The following POLE4 variants were observed in gnomAD, a reference collection of about 807,000 sequenced individuals.
POLE4 encodes DNA polymerase epsilon 4, accessory subunit.
Under a neutral mutation model 15.6 loss-of-function variants are expected in POLE4, and 15 were observed. That is an observed-to-expected ratio of 0.96 (90% CI 0.64 to 1.48). POLE4 has a LOEUF of 1.48. Ranked by LOEUF, POLE4 falls within the 40% of genes most tolerant of loss-of-function variation. POLE4 has a pLI of 0.00. For missense variants in POLE4, 205 were observed against 151.9 expected, an observed-to-expected ratio of 1.35 and a Z score of -1.84; for synonymous variants, 83 against 63.2, an observed-to-expected ratio of 1.31 and a Z score of -1.49.
chr2:74,959,153 A>G (rs1671175294), intron 1 of POLE4, 188 bp from the exon 2 acceptor site: 1 of 613,742 alleles, frequency 1.6e-6, no homozygotes. Flanking sequence ...TCTTTAGTGA[A>G]TGAGGGAGAA....
intron 1 of POLE4, 96 bp downstream of exon 1, chr2:74,958,988 C>T (rs1671170866): frequency 7.4e-6 from 9 of 1,211,884 alleles, no homozygotes; most frequent in Non-Finnish European, 9.2e-6. Flanking sequence ...GGCGGCGTGG[C>T]CCGGGTTTTG....
intron 3 of POLE4, among the ~76,000 whole-genome samples, chr2:74,963,512 T>A (rs1671253313): frequency 6.6e-6 from 1 of 152,152 alleles, no homozygotes; most frequent in African/African-American, 2.4e-5. Context: ...TTTTATTTAT[T>A]TATTTTTTTG....
At chr2:74,966,165 A>C (rs567561854) in intron 3 of POLE4, among the ~76,000 whole-genome samples, 1 of 151,204 alleles carries the variant, frequency 6.6e-6, no homozygotes, top group South Asian at 2.1e-4. Flanking sequence ...ATCAGTTACT[A>C]TGTAAGTCCT....
intron 3 of POLE4, among the ~76,000 whole-genome samples, chr2:74,966,444 C>T (rs1404275515): frequency 6.6e-6 from 1 of 152,186 alleles, no homozygotes; most frequent in Non-Finnish European, 1.5e-5. Flanking sequence ...TTTCGTCACC[C>T]AGGCTGGAGT....
At chr2:74,962,830 C>G (rs1671242224) in intron 3 of POLE4, among the ~76,000 whole-genome samples, 1 of 152,124 alleles carries the variant, frequency 6.6e-6, no homozygotes, top group African/African-American at 2.4e-5. Flanking sequence ...TTATAGCTTA[C>G]TATATAAGCA....
In POLE4 at chr2:74,959,035, G is replaced by T. The variant is rs2103670837; in HGVS notation, c.213+143G>T. 4.1e-6 allele frequency: 3 copies of T among 731,862 alleles called. No individual in the cohort carries two copies. The East Asian group carries it at 8.2e-5, about 20-fold the overall frequency. The allele number at this position is 731,862 out of a possible 1,614,324, so 45.3% of individuals were successfully genotyped here. The stretch of plus-strand genomic sequence containing the variant: ...TGGACCCGGAAGGCGGAGGAAAGGG[G>T]CCGGGGACCTGTGCGAGTTTTGTTA... On this transcript the variant is annotated intron_variant, in intron 1 of 3. Transcript: ENST00000483063.
chr2:74,960,480 A>G, intron 3 of POLE4: 1 of 468,466 alleles, frequency 2.1e-6, no homozygotes, highest in South Asian at 1.7e-5. Flanking sequence ...GTTACAGATC[A>G]GAAACAATTG....
intron 3 of POLE4, among the ~76,000 whole-genome samples, chr2:74,966,408 T>C (rs952374916): frequency 6.6e-6 from 1 of 152,166 alleles, no homozygotes; most frequent in Non-Finnish European, 1.5e-5. Flanking sequence ...CCTTTCTGGA[T>C]TATTATTATT....
At position 74,963,639 on chromosome 2, in the gene POLE4, C is replaced by T. The variant is rs192291520; in HGVS notation, c.340+3493C>T. Among the ~76,000 whole-genome samples the T allele has an allele frequency of 8.5e-5, 13 of 152,120 alleles. No individual in the cohort carries two copies. In the East Asian group the frequency reaches 2.5e-3, roughly 29 times the overall value. ...CGTAACTGGGACTACAGGCGTGTACCACCACGCCTGGCTAATTTTGGCATT... is the reference window on the plus strand; with the variant it reads ...CGTAACTGGGACTACAGGCGTGTACTACCACGCCTGGCTAATTTTGGCATT... On this transcript the variant is annotated intron_variant, in intron 3 of 3. Coordinates refer to ENST00000483063, the MANE Select transcript of POLE4 (RefSeq NM_019896.4).
intron 3 of POLE4, chr2:74,960,589 G>A (rs1374959420): frequency 2.0e-6 from 1 of 501,186 alleles, no homozygotes; most frequent in African/African-American, 1.9e-5. Flanking sequence ...TGTATTTTTA[G>A]GAGTCATGGA....
At chr2:74,966,867 C>T (rs1241941055) in intron 3 of POLE4, among the ~76,000 whole-genome samples, 1 of 151,126 alleles carries the variant, frequency 6.6e-6, no homozygotes, top group Non-Finnish European at 1.5e-5. Context: ...AATATAAATT[C>T]TAGGTGGAAA....
intron 2 of POLE4, chr2:74,959,642 G>A (rs568643118): frequency 7.0e-5 from 36 of 511,076 alleles, no homozygotes; most frequent in African/African-American, 3.9e-4. Context: ...TTGCCGTAGC[G>A]GACTGGATCC....
chr2:74,969,489 C>T lies in POLE4; in HGVS notation c.*67C>T. 6.8e-7 allele frequency: 1 copy of T among 1,464,744 alleles called. No individual in the cohort carries two copies. The highest frequency in any genetic ancestry group is 9.6e-7 in the Non-Finnish European group (1 of 1,043,488). 90.7% of individuals were successfully genotyped at this position (1,464,744 alleles called of 1,614,324 possible). On this transcript the variant is annotated 3_prime_UTR_variant, in exon 4 of 4. Coordinates refer to ENST00000483063, the MANE Select transcript of POLE4 (RefSeq NM_019896.4). ...TCAGTTCACCCCTCTGCACAGGCCT[C>T]AGCTTTGAAGAACGGAGTCTTTGCA...
chr2:74,967,588 C>G (rs990321626), intron 3 of POLE4, among the ~76,000 whole-genome samples: 1 of 152,138 alleles, frequency 6.6e-6, no homozygotes, highest in Non-Finnish European at 1.5e-5. Flanking sequence ...GTTTGCTAGT[C>G]TGTGCCGAAT....
chr2:74,962,460 T>G (rs940627954), intron 3 of POLE4, among the ~76,000 whole-genome samples: 2 of 152,364 alleles, frequency 1.3e-5, no homozygotes, highest in East Asian at 3.9e-4. Flanking sequence ...AAACTAGGAC[T>G]GTAAACAGTC....
At chr2:74,967,396 T>G (rs1671312071) in intron 3 of POLE4, among the ~76,000 whole-genome samples, 1 of 152,032 alleles carries the variant, frequency 6.6e-6, no homozygotes, top group African/African-American at 2.4e-5. Flanking sequence ...CCAAATCTGT[T>G]GTCTTTTTTT....
rs916738233 is a variant in POLE4, at chr2:74,958,727, G to C, written c.48G>C (p.Glu16Asp). The stretch of plus-strand genomic sequence containing the variant: ...GAAGCGGGACGCCCCGAGAGGAGGA[G>C]GGACCTGCTGGGGAGGCAGCGGCCT... Reference protein sequence around the residue: ...AAGSGTPREEEGPAGEAAASQ... With the variant: ...AAGSGTPREEDGPAGEAAASQ... Residue 16 changes from glutamate to aspartate, a missense_variant, in exon 1 of 4, where the codon GAG (glutamate) becomes GAC (aspartate). Glu to Asp is a conservative substitution (Grantham distance 45). Coordinates refer to ENST00000483063, the MANE Select transcript of POLE4 (RefSeq NM_019896.4). The C allele has an allele frequency of 2.0e-6, 3 of 1,514,642 alleles. No individual in the cohort carries two copies. The highest frequency in any genetic ancestry group is 2.9e-5 in the African/African-American group (2 of 68,696). 93.8% of individuals were successfully genotyped at this position (1,514,642 alleles called of 1,614,324 possible).
chr2:74,967,595 G>A (rs1022014954), intron 3 of POLE4, among the ~76,000 whole-genome samples: 1 of 152,088 alleles, frequency 6.6e-6, no homozygotes, highest in African/African-American at 2.4e-5. Flanking sequence ...AGTCTGTGCC[G>A]AATCTAACAT....
Position 74,960,673 on chromosome 2 carries a change from C to T in POLE4, c.340+527C>T, listed in dbSNP as rs76356486. ...AAATACCTAATTTTAGCTACCTAGC[C>T]TCAGAGCGATTTCTGCTACTTAATT... On this transcript the variant is annotated intron_variant, in intron 3 of 3. Transcript: ENST00000483063. 1,017 of 447,066 alleles carry T rather than the reference C, an allele frequency of 2.3e-3. 18 individuals carry two copies. The East Asian group carries it at 0.054, about 24-fold the overall frequency. 27.7% of individuals were successfully genotyped at this position (447,066 alleles called of 1,614,324 possible).
Sources: allele counts gnomAD v4.1 joint callset (sites outside exome capture counted in the v4.1 genomes callset), GRCh38; gene constraint gnomAD v4.1.1; transcripts MANE v1.5; gene names NCBI Gene and HGNC (gene_info 2026-07-23, HGNC 2026-07-21).